Variants in STK11 observed in about 807,000 individuals in gnomAD.
STK11 encodes the protein serine/threonine-protein kinase STK11.
In STK11, 8 loss-of-function variants were observed where a neutral mutation model predicts 47.3. The ratio of observed to expected loss-of-function variants is 0.17; its 90% CI spans 0.10 to 0.31. The LOEUF is 0.31. STK11 is among the 10% of genes least tolerant of loss of function. The probability of loss-of-function intolerance (pLI) is 1.00; values close to 1 mark genes in which losing one functional copy is unlikely to be tolerated. For synonymous variants in STK11, 330 were observed against 255.8 expected (o/e 1.29, Z -2.77); for missense variants, 475 against 605.0 (o/e 0.79, Z 2.25).
At chr19:1,225,873 G>A in intron 8 of STK11, 1 of 987,628 alleles carries the variant, frequency 1.0e-6, no homozygotes, top group Non-Finnish European at 1.2e-6. Context: ...CACCTGGGCA[G>A]GGTGGGCAGC....
At position 1,220,364 on chromosome 19, in the gene STK11, T is replaced by C. The variant is rs1296890675; in HGVS notation, c.465-9T>C. 1.3e-6 allele frequency: 2 copies of C among 1,596,032 alleles called. No homozygotes were observed. The highest frequency in any genetic ancestry group is 1.7e-6 in the Non-Finnish European group (2 of 1,171,868). On this transcript the variant is annotated splice_polypyrimidine_tract_variant and intron_variant, in intron 3 of 9. Transcript: ENST00000326873. ...CCTCGGCCCCAGGACGGGTGTGTGC[T>C]GCCCGCAGGTACTTCTGTCAGCTGA...
In STK11 at chr19:1,227,790, C is replaced by T; in HGVS notation, c.*214C>T. On this transcript the variant is annotated 3_prime_UTR_variant, in exon 10 of 10. Coordinates refer to ENST00000326873, the MANE Select transcript of STK11 (RefSeq NM_000455.5). ...CCCCCCTCGGCCGCCCGGCAGTGCACGCGGCTTGTTGACTTCGCAGCCCCG... is the reference window on the plus strand; with the variant it reads ...CCCCCCTCGGCCGCCCGGCAGTGCATGCGGCTTGTTGACTTCGCAGCCCCG... The T allele has an allele frequency of 1.9e-6, 2 of 1,074,616 alleles. No individual in the cohort carries two copies. Among genetic ancestry groups the T allele is most frequent in the Admixed American group, 5.3e-5 (1 of 18,846 alleles). The allele number at this position is 1,074,616 out of a possible 1,614,324, so 66.6% of individuals were successfully genotyped here.
chr19:1,223,209 C>T (rs760692159), intron 8 of STK11, 37 bp downstream of exon 8: 17 of 1,589,018 alleles, frequency 1.1e-5, no homozygotes, highest in Non-Finnish European at 1.5e-5. Context: ...GCTCTGCTGA[C>T]TCGGCCAGGA....
At position 1,228,097 on chromosome 19, in the gene STK11, C is replaced by G; in HGVS notation, c.*521C>G. 9.4e-7 allele frequency: 1 copy of G among 1,062,482 alleles called. No individual in the cohort carries two copies. Among genetic ancestry groups the G allele is most frequent in the Non-Finnish European group, 1.1e-6 (1 of 877,586 alleles). The allele number at this position is 1,062,482 out of a possible 1,614,324, so 65.8% of individuals were successfully genotyped here. A position where few individuals can be genotyped will look rare whatever the true frequency, so the allele number is the denominator to read the frequency against. On this transcript the variant is annotated 3_prime_UTR_variant, in exon 10 of 10. Transcript: ENST00000326873. ...AGAAAAAATAAAAGGTGGATTTGAG[C>G]TGTGGCTGTGAGGGGTGTTTGGGAG...
intron 1 of STK11, among the ~76,000 whole-genome samples, chr19:1,215,194 G>A (rs952860736): frequency 7.9e-5 from 12 of 152,176 alleles, no homozygotes; most frequent in Admixed American, 3.3e-4. Flanking sequence ...CACCCTCAGC[G>A]TCCCCCTCAA....
intron 1 of STK11, among the ~76,000 whole-genome samples, chr19:1,217,767 G>A (rs562247573): frequency 1.1e-4 from 16 of 152,308 alleles, no homozygotes; most frequent in East Asian, 9.6e-4. Context: ...ACTGTGTGAC[G>A]GAGCCATCAC....
intron 1 of STK11, among the ~76,000 whole-genome samples, chr19:1,208,362 C>T (rs1398726758): frequency 1.4e-5 from 2 of 146,528 alleles, no homozygotes; most frequent in Non-Finnish European, 3.0e-5. Flanking sequence ...GGCTGGAGTG[C>T]AGTGGCGCGA....
At chr19:1,217,089 T>C (rs1025931370) in intron 1 of STK11, among the ~76,000 whole-genome samples, 1 of 152,066 alleles carries the variant, frequency 6.6e-6, no homozygotes, top group East Asian at 1.9e-4. Flanking sequence ...GTACTGTTCC[T>C]CAGGGTGTGT....
chr19:1,227,926 G>C lies in STK11; in HGVS notation c.*350G>C, dbSNP rs1330068966. The C allele has an allele frequency of 2.8e-6, 3 of 1,070,228 alleles. No homozygotes were observed. In the African/African-American group the frequency reaches 4.9e-5, roughly 18 times the overall value. 66.3% of individuals were successfully genotyped at this position (1,070,228 alleles called of 1,614,324 possible). On this transcript the variant is annotated 3_prime_UTR_variant, in exon 10 of 10. Coordinates refer to ENST00000326873, the MANE Select transcript of STK11 (RefSeq NM_000455.5). ...CGTGCTCCGCAGGGCGCCCAGCGCC[G>C]TCCGGCGGCCCCGCCGCAGACCAGC...
chr19:1,222,650 G>A (rs1043772926), intron 7 of STK11, among the ~76,000 whole-genome samples: 9 of 152,280 alleles, frequency 5.9e-5, no homozygotes, highest in African/African-American at 1.9e-4. Flanking sequence ...CCCCCCGATA[G>A]CCTCCTGGGC....
chr19:1,218,743 C>T (rs2080760946), intron 2 of STK11, among the ~76,000 whole-genome samples: 1 of 152,194 alleles, frequency 6.6e-6, no homozygotes, highest in South Asian at 2.1e-4. Flanking sequence ...CCTTTTTTCT[C>T]AGAGTCTCCT....
chr19:1,206,808 C>CT lies in STK11; in HGVS notation c.-100dup. On this transcript the variant is annotated 5_prime_UTR_variant, in exon 1 of 10. Coordinates refer to ENST00000326873, the MANE Select transcript of STK11 (RefSeq NM_000455.5). ...GGGGTTTTTGTTGCCTTTTTTTTTT[C>CT]TTTTTTCTTTGTAAAATTTTGGAGA... 4 of 1,263,688 alleles carry CT rather than the reference C, an allele frequency of 3.2e-6. No individual in the cohort carries two copies. The South Asian group carries it at 7.5e-5, about 24-fold the overall frequency. The allele number at this position is 1,263,688 out of a possible 1,614,324, so 78.3% of individuals were successfully genotyped here. A position where few individuals can be genotyped will look rare whatever the true frequency, so the allele number is the denominator to read the frequency against.
At position 1,221,890 on chromosome 19, in the gene STK11, G is replaced by A. The variant is rs2080786856; in HGVS notation, c.863-59G>A. On this transcript the variant is annotated intron_variant, in intron 6 of 9. Coordinates refer to ENST00000326873, the MANE Select transcript of STK11 (RefSeq NM_000455.5). ...CAACAGAGGCTGGGCAGGCGGGGAC[G>A]GTTGGTGGGGTCTCAGGCCTGTGCC... The A allele has an allele frequency of 1.3e-5, 20 of 1,541,066 alleles. No homozygotes were observed. The East Asian group carries it at 2.0e-4, about 15-fold the overall frequency.
intron 1 of STK11, among the ~76,000 whole-genome samples, chr19:1,210,920 T>C (rs781088821): frequency 1.6e-4 from 24 of 151,072 alleles, no homozygotes; most frequent in African/African-American, 5.6e-4. Context: ...CCCAGCACTT[T>C]GGGAGGCCGA....
chr19:1,227,575 C>T lies in STK11; in HGVS notation c.*17-18C>T, dbSNP rs1056471106. 7.5e-6 allele frequency: 8 copies of T among 1,063,972 alleles called. No homozygotes were observed. Among genetic ancestry groups the T allele is most frequent in the African/African-American group, 3.3e-5 (2 of 60,910 alleles). The allele number at this position is 1,063,972 out of a possible 1,614,324, so 65.9% of individuals were successfully genotyped here. On this transcript the variant is annotated intron_variant, in intron 9 of 9. Transcript: ENST00000326873. The stretch of plus-strand genomic sequence containing the variant: ...CGGTGCCCAGGCTGACCTCTTCCGT[C>T]TTCCTTCCACCCTGCAGCCCGTGTC...
chr19:1,221,824 G>T, intron 6 of STK11, 125 bp from the exon 7 acceptor site: 1 of 1,114,584 alleles, frequency 9.0e-7, no homozygotes, highest in Middle Eastern at 2.0e-4. Context: ...CCTGTGCGCG[G>T]GGTCCCCCTT....
rs1555737428 is a variant in STK11 at position 1,218,459 on chromosome 19, C to T, written c.333C>T (p.Ile111=). The part of the protein sequence containing the change: ...LLRRLRHKNV[I]QLVDVLYNEE... ...GGAGGTTACGGCACAAAAATGTCAT[C>T]CAGCTGGTGGATGTGTTATACAACG... Residue 111 remains isoleucine (I), a synonymous_variant, in exon 2 of 10, where the codon ATC becomes ATT. Coordinates refer to ENST00000326873, the MANE Select transcript of STK11 (RefSeq NM_000455.5). The T allele has an allele frequency of 1.9e-6, 3 of 1,613,698 alleles. No individual in the cohort carries two copies. The highest frequency in any genetic ancestry group is 2.2e-5 in the East Asian group (1 of 44,882).
At chr19:1,221,636 TC>T in intron 6 of STK11, 1 of 586,346 alleles carries the variant, frequency 1.7e-6, no homozygotes, top group Non-Finnish European at 3.0e-6. Flanking sequence ...GTCAGGGTTG[TC>T]CTGCTGCACT....
In STK11 at chr19:1,227,940, C is replaced by T. The variant is rs1318481401; in HGVS notation, c.*364C>T. ...CGCCCAGCGCCGTCCGGCGGCCCCG[C>T]CGCAGACCAGCTGGCGGGTGTGGAG... On this transcript the variant is annotated 3_prime_UTR_variant, in exon 10 of 10. Transcript: ENST00000326873. 2 of 1,070,424 alleles carry T rather than the reference C, an allele frequency of 1.9e-6. No individual in the cohort carries two copies. The highest frequency in any genetic ancestry group is 1.1e-6 in the Non-Finnish European group (1 of 882,374). 66.3% of individuals were successfully genotyped at this position (1,070,424 alleles called of 1,614,324 possible).
Sources: gnomAD v4.1 joint callset for allele counts (sites outside exome capture counted in the v4.1 genomes callset) on GRCh38, gnomAD v4.1.1 for gene constraint, MANE v1.5 for transcripts, NCBI Gene and HGNC (gene_info 2026-07-23, HGNC 2026-07-21) for gene names.